Variants in ROBO2 observed in about 807,000 individuals in gnomAD.
ROBO2 encodes the protein roundabout homolog 2.
In ROBO2, 53 loss-of-function variants were observed where a neutral mutation model predicts 160.8. That is an observed-to-expected ratio of 0.33 (90% confidence interval 0.26 to 0.41). The LOEUF is 0.41. Ranked by LOEUF, ROBO2 falls within the 10% of genes least tolerant of loss-of-function variation. The pLI is 1.00. For synonymous variants in ROBO2, 664 were observed against 611.7 expected, an observed-to-expected ratio of 1.09 and a Z score of -1.26; for missense variants, 1,577 against 1,722.4, an observed-to-expected ratio of 0.92 and a Z score of 1.49.
intron 2 of ROBO2, among the ~76,000 whole-genome samples, chr3:76,190,741 G>A (rs1295681721): frequency 1.3e-5 from 2 of 152,020 alleles, no homozygotes; most frequent in Non-Finnish European, 2.9e-5. Context: ...AAGAAGTAAT[G>A]TTATGGACAA....
intron 2 of ROBO2, among the ~76,000 whole-genome samples, chr3:76,935,457 A>C (rs2077636682): frequency 1.3e-5 from 2 of 152,162 alleles, no homozygotes; most frequent in South Asian, 4.1e-4. Flanking sequence ...TTGCATTTAG[A>C]TCTCATGTCT....
At chr3:77,572,724 C>T (rs556513208) in intron 13 of ROBO2, among the ~76,000 whole-genome samples, 2 of 151,774 alleles carry the variant, frequency 1.3e-5, no homozygotes, top group African/African-American at 4.8e-5. Flanking sequence ...CCTTTTGTTC[C>T]ACTGTATTTT....
chr3:77,227,620 A>G (rs539934264), intron 2 of ROBO2, among the ~76,000 whole-genome samples: 1 of 152,374 alleles, frequency 6.6e-6, no homozygotes, highest in East Asian at 1.9e-4. Flanking sequence ...TTTCACTTTT[A>G]AAACAGCACT....
At chr3:77,611,784 CAAT>C (rs1196648917) in intron 21 of ROBO2, among the ~76,000 whole-genome samples, 1 of 152,132 alleles carries the variant, frequency 6.6e-6, no homozygotes, top group Non-Finnish European at 1.5e-5. Flanking sequence ...AGGAATATAA[CAAT>C]GATGGCAATG....
At chr3:77,581,311 T>C (rs812328) in intron 16 of ROBO2, among the ~76,000 whole-genome samples, 87,438 of 151,890 alleles carry the variant, frequency 0.58, 25,252 homozygotes, top group Middle Eastern at 0.71. Context: ...TGAACAAAAG[T>C]ATTACATTTT....
intron 2 of ROBO2, among the ~76,000 whole-genome samples, chr3:77,166,131 G>GC (rs1270897978): frequency 2.0e-5 from 3 of 152,058 alleles, no homozygotes; most frequent in Non-Finnish European, 2.9e-5. Flanking sequence ...GGTGGCATGT[G>GC]CCCGTAGTCC....
chr3:77,283,371 T>C (rs999066917), intron 2 of ROBO2, among the ~76,000 whole-genome samples: 3 of 152,192 alleles, frequency 2.0e-5, no homozygotes, highest in African/African-American at 7.2e-5. Context: ...GATTGCTGAA[T>C]GCGATATCAA....
intron 2 of ROBO2, chr3:77,317,210 T>G (rs1255746912): frequency 1.2e-6 from 1 of 830,486 alleles, no homozygotes; most frequent in African/African-American, 1.7e-5. Flanking sequence ...GGCCCAGCAG[T>G]GTGGAAATCC....
chr3:75,997,499 C>CTTTTTTTTTTTTTTTTTTTTT (rs56890342), intron 2 of ROBO2, among the ~76,000 whole-genome samples: 1 of 126,524 alleles, frequency 7.9e-6, no homozygotes, highest in Non-Finnish European at 1.6e-5. Flanking sequence ...TTCATCCATT[C>CTTTTTTTTTTTTTTTTTTTTT]TTTTTTTTTT....
chr3:76,323,343 C>T (rs2072737704), intron 2 of ROBO2, among the ~76,000 whole-genome samples: 3 of 151,964 alleles, frequency 2.0e-5, no homozygotes, highest in Admixed American at 6.6e-5. Context: ...TCTCCTCATT[C>T]GAATTCATCA....
intron 2 of ROBO2, among the ~76,000 whole-genome samples, chr3:75,938,970 A>G (rs1323156560): frequency 5.9e-5 from 9 of 152,202 alleles, no homozygotes; most frequent in Non-Finnish European, 1.3e-4. Context: ...AAACAAGAAT[A>G]TGTAGACAGT....
At chr3:77,269,107 G>C (rs924875151) in intron 2 of ROBO2, among the ~76,000 whole-genome samples, 6 of 116,960 alleles carry the variant, frequency 5.1e-5, no homozygotes, top group African/African-American at 1.7e-4. Flanking sequence ...ATAAAAAATA[G>C]GTTTCATAAT....
intron 2 of ROBO2, among the ~76,000 whole-genome samples, chr3:76,166,937 TTTTGTTTG>T (rs571803952): frequency 2.0e-5 from 3 of 151,904 alleles, no homozygotes; most frequent in Non-Finnish European, 4.4e-5. Flanking sequence ...ACACTTGAGT[TTTTGTTTG>T]TTTGTTTGTT....
chr3:77,143,367 T>C (rs902876622), intron 2 of ROBO2, among the ~76,000 whole-genome samples: 2 of 151,760 alleles, frequency 1.3e-5, no homozygotes, highest in Non-Finnish European at 2.9e-5. Flanking sequence ...GCTAATTTTT[T>C]CTATTTTTAG....
chr3:76,384,131 G>T (rs143309946), intron 2 of ROBO2, among the ~76,000 whole-genome samples: 73 of 152,276 alleles, frequency 4.8e-4, no homozygotes, highest in African/African-American at 1.7e-3. Context: ...TTTGCCAACC[G>T]CACAGTCATT....
At chr3:77,231,742 C>T (rs373970815) in intron 2 of ROBO2, among the ~76,000 whole-genome samples, 2 of 152,140 alleles carry the variant, frequency 1.3e-5, no homozygotes, top group African/African-American at 2.4e-5. Context: ...GTTATTTTGT[C>T]GTTTTTGACT....
chr3:77,075,464 G>A (rs2067868966), intron 1 of ROBO2, among the ~76,000 whole-genome samples: 1 of 152,066 alleles, frequency 6.6e-6, no homozygotes, highest in Non-Finnish European at 1.5e-5. Context: ...CTTGAAGCGG[G>A]GTAGGGTAGG....
intron 2 of ROBO2, among the ~76,000 whole-genome samples, chr3:76,170,354 T>A (rs2072996554): frequency 6.6e-6 from 1 of 152,144 alleles, no homozygotes; most frequent in African/African-American, 2.4e-5. Context: ...TGTAGAAAAA[T>A]TAATTTAGAA....
At chr3:76,543,651 A>C (rs1190816781) in intron 2 of ROBO2, among the ~76,000 whole-genome samples, 1 of 152,032 alleles carries the variant, frequency 6.6e-6, no homozygotes, top group African/African-American at 2.4e-5. Context: ...TTTGATGTAA[A>C]TGTCTATTTC....
Sources: allele counts gnomAD v4.1 joint callset (sites outside exome capture counted in the v4.1 genomes callset), GRCh38; gene constraint gnomAD v4.1.1; transcripts MANE v1.5; gene names NCBI Gene and HGNC (gene_info 2026-07-23, HGNC 2026-07-21).